NAALADL2: variants seen among roughly 807,000 people sequenced by gnomAD.
The protein encoded by NAALADL2 is inactive N-acetylated-alpha-linked acidic dipeptidase-like protein 2.
Under a neutral mutation model 87.2 loss-of-function variants are expected in NAALADL2, and 76 were observed. The ratio of observed to expected loss-of-function variants is 0.87; its 90% CI spans 0.72 to 1.05. The LOEUF (loss-of-function observed/expected upper bound fraction) is 1.05. NAALADL2 is among the 50% of genes least tolerant of loss of function. NAALADL2 has a pLI of 0.00. For missense variants in NAALADL2, 1,089 were observed against 945.8 expected (o/e 1.15, Z -1.99); for synonymous variants, 354 against 331.0 (o/e 1.07, Z -0.75).
At chr3:174,642,753 T>A (rs2861840) in intron 2 of NAALADL2, among the ~76,000 whole-genome samples, 1 of 5,582 alleles carries the variant, frequency 1.8e-4, no homozygotes, top group Admixed American at 3.9e-3. Context: ...AAAAAACATA[T>A]ATATATATAT....
chr3:174,880,577 T>G (rs980546637), intron 1 of NAALADL2, among the ~76,000 whole-genome samples: 2 of 152,086 alleles, frequency 1.3e-5, no homozygotes, highest in African/African-American at 4.8e-5. Context: ...CAACACAGAC[T>G]CAATGACCAT....
intron 2 of NAALADL2, among the ~76,000 whole-genome samples, chr3:174,718,247 G>A (rs1390845695): frequency 2.0e-5 from 3 of 152,010 alleles, no homozygotes; most frequent in Non-Finnish European, 4.4e-5. Flanking sequence ...TTTTTTATCT[G>A]GATGTAAGAT....
intron 1 of NAALADL2, among the ~76,000 whole-genome samples, chr3:174,896,776 G>C (rs1351739523): frequency 2.0e-5 from 3 of 152,024 alleles, no homozygotes; most frequent in Non-Finnish European, 2.9e-5. Context: ...TTCATATTAC[G>C]ATACAGAACT....
chr3:175,182,008 T>G (rs1226842086), intron 2 of NAALADL2, among the ~76,000 whole-genome samples: 1 of 151,806 alleles, frequency 6.6e-6, no homozygotes, highest in Non-Finnish European at 1.5e-5. Context: ...CCAATTTACA[T>G]TCCCACCAAA....
upstream of NAALADL2, among the ~76,000 whole-genome samples, chr3:174,857,532 T>A (rs551670143): frequency 2.6e-5 from 4 of 152,306 alleles, no homozygotes; most frequent in South Asian, 8.3e-4. Flanking sequence ...TCTGTAAATA[T>A]ATTTCCAAGT....
intron 2 of NAALADL2, among the ~76,000 whole-genome samples, chr3:175,116,344 A>T (rs1174423730): frequency 6.6e-6 from 1 of 152,094 alleles, no homozygotes. Flanking sequence ...CCATCATCTT[A>T]GCCCAAAATT....
intron 1 of NAALADL2, among the ~76,000 whole-genome samples, chr3:174,886,499 ACACT>A (rs1287836695): frequency 1.3e-5 from 2 of 152,124 alleles, no homozygotes; most frequent in African/African-American, 4.8e-5. Context: ...AATCAAGTTG[ACACT>A]CAGTATTAAC....
chr3:175,694,109 A>G (rs912758683), intron 11 of NAALADL2, among the ~76,000 whole-genome samples: 4 of 152,170 alleles, frequency 2.6e-5, no homozygotes, highest in Non-Finnish European at 4.4e-5. Flanking sequence ...TTGGTACTGC[A>G]TTAATTTGTT....
intron 5 of NAALADL2, among the ~76,000 whole-genome samples, chr3:175,364,930 A>G (rs1331275476): frequency 6.8e-6 from 1 of 147,810 alleles, no homozygotes; most frequent in African/African-American, 2.5e-5. Flanking sequence ...TATATTCTCT[A>G]TGACTATCTA....
chr3:175,029,708 T>C (rs973985053), intron 1 of NAALADL2, among the ~76,000 whole-genome samples: 4 of 152,056 alleles, frequency 2.6e-5, no homozygotes, highest in Non-Finnish European at 4.4e-5. Flanking sequence ...AATGTCACTA[T>C]AGGCAAAGAG....
intron 2 of NAALADL2, among the ~76,000 whole-genome samples, chr3:175,124,829 C>T (rs1726695617): frequency 6.6e-6 from 1 of 151,948 alleles, no homozygotes; most frequent in African/African-American, 2.4e-5. Flanking sequence ...CCCAAAGAAA[C>T]TTTATGAGAT....
At chr3:174,848,495 C>T (rs746940338) in intron 3 of NAALADL2, among the ~76,000 whole-genome samples, 7 of 152,024 alleles carry the variant, frequency 4.6e-5, no homozygotes, top group Non-Finnish European at 8.8e-5. Context: ...TAATGTTTAC[C>T]GTTGTGCCAT....
intron 2 of NAALADL2, among the ~76,000 whole-genome samples, chr3:175,097,734 T>C (rs1721404124): frequency 6.6e-6 from 1 of 152,206 alleles, no homozygotes; most frequent in African/African-American, 2.4e-5. Context: ...GTCATATAAC[T>C]AGTGGATAAC....
At chr3:175,283,215 C>T (rs777344158) in intron 4 of NAALADL2, among the ~76,000 whole-genome samples, 1 of 152,046 alleles carries the variant, frequency 6.6e-6, no homozygotes, top group African/African-American at 2.4e-5. Context: ...AAAGACTGCA[C>T]GGTCACCTCT....
chr3:175,592,057 C>G (rs1272718655), intron 10 of NAALADL2, among the ~76,000 whole-genome samples: 1 of 151,926 alleles, frequency 6.6e-6, no homozygotes, highest in Non-Finnish European at 1.5e-5. Flanking sequence ...AGTGACTGCA[C>G]TATAAATGCT....
intron 2 of NAALADL2, among the ~76,000 whole-genome samples, chr3:174,617,197 C>T (rs888787121): frequency 6.6e-6 from 1 of 151,708 alleles, no homozygotes; most frequent in Admixed American, 6.6e-5. Flanking sequence ...ATTTGATTGA[C>T]AAAATGCAGC....
At chr3:175,012,745 C>T (rs1441925078) in intron 1 of NAALADL2, among the ~76,000 whole-genome samples, 1 of 151,860 alleles carries the variant, frequency 6.6e-6, no homozygotes, top group Non-Finnish European at 1.5e-5. Context: ...ACGGGGAACA[C>T]TTGCCTTGCA....
chr3:175,206,457 T>A (rs1273833330), intron 2 of NAALADL2, among the ~76,000 whole-genome samples: 2 of 151,480 alleles, frequency 1.3e-5, no homozygotes, highest in East Asian at 3.9e-4. Context: ...GTGTAGTAAC[T>A]CAGGAATAGA....
At chr3:174,620,467 G>C in intron 2 of NAALADL2, among the ~76,000 whole-genome samples, 1 of 151,800 alleles carries the variant, frequency 6.6e-6, no homozygotes, top group East Asian at 1.9e-4. Flanking sequence ...TGGCTACTAA[G>C]TTAATAGGGC....
Sources: gnomAD v4.1 joint callset for allele counts (sites outside exome capture counted in the v4.1 genomes callset) on GRCh38, gnomAD v4.1.1 for gene constraint, MANE v1.5 for transcripts, NCBI Gene and HGNC (gene_info 2026-07-23, HGNC 2026-07-21) for gene names.